The following SNX24 variants were observed in gnomAD, a reference collection of about 807,000 sequenced individuals.
SNX24 encodes sorting nexin 24, also known as sorting nexin-24.
Under a neutral mutation model 28.7 loss-of-function variants are expected in SNX24, and 22 were observed. The observed-to-expected ratio is 0.77, with a 90% CI of 0.55 to 1.10. The LOEUF is 1.10. SNX24 is among the 50% of genes least tolerant of loss of function. SNX24 has a pLI of 0.00. For missense variants in SNX24, 221 were observed against 201.1 expected (o/e 1.10, Z -0.60); for synonymous variants, 69 against 71.5 (o/e 0.96, Z 0.18).
chr5:122,863,502 A>G (rs2438151), intron 1 of SNX24, among the ~76,000 whole-genome samples: 121,744 of 151,332 alleles, frequency 0.8, 49,740 homozygotes, highest in East Asian at 0.99. Flanking sequence ...GGTAGGCAGC[A>G]ATAAGGACGT....
At chr5:122,864,284 C>T (rs146646052) in intron 1 of SNX24, among the ~76,000 whole-genome samples, 14 of 152,120 alleles carry the variant, frequency 9.2e-5, no homozygotes, top group Admixed American at 2.0e-4. Context: ...GTGATTGAGG[C>T]CATAGGATCC....
intron 3 of SNX24, among the ~76,000 whole-genome samples, chr5:122,955,346 A>G (rs1463813512): frequency 6.6e-6 from 1 of 152,164 alleles, no homozygotes; most frequent in Non-Finnish European, 1.5e-5. Flanking sequence ...CTGCTTTAAA[A>G]TCATTGTCCA....
In SNX24 at chr5:122,919,827, A is replaced by G. The variant is rs145470925; in HGVS notation, c.61-16907A>G. Among the ~76,000 whole-genome samples, 375 of 152,296 alleles carry G rather than the reference A, an allele frequency of 2.5e-3. 3 individuals carry two copies. Among genetic ancestry groups the G allele is most frequent in the African/African-American group, 8.2e-3 (339 of 41,564 alleles). ...GGTGCTGGCTACACGGTTCACATGC[A>G]TCAGGGCCCAACAAACTCTTCCCAT... On this transcript the variant is annotated intron_variant, in intron 1 of 6. Transcript: ENST00000261369.
chr5:122,889,856 A>G (rs1756889038), intron 1 of SNX24, among the ~76,000 whole-genome samples: 1 of 151,492 alleles, frequency 6.6e-6, no homozygotes, highest in Admixed American at 6.6e-5. Flanking sequence ...TAATATTGAA[A>G]CAGTATTTTG....
At chr5:122,922,090 G>A (rs1285884406) in intron 1 of SNX24, among the ~76,000 whole-genome samples, 2 of 152,158 alleles carry the variant, frequency 1.3e-5, no homozygotes, top group African/African-American at 4.8e-5. Context: ...ATTCCTAACT[G>A]CTCTCTGAAA....
In SNX24 at chr5:123,000,141, G is replaced by A. The variant is rs549578492; in HGVS notation, c.344+135G>A. The stretch of plus-strand genomic sequence containing the variant: ...ACTCTTTTGGCTTGCTGCAGCACTC[G>A]CTCGCCCCCTGCTTTTGGTTAAAAG... On this transcript the variant is annotated intron_variant, in intron 4 of 6. Coordinates refer to ENST00000261369, the MANE Select transcript of SNX24 (RefSeq NM_014035.4). 97 of 653,892 alleles carry A rather than the reference G, an allele frequency of 1.5e-4. 1 individual carries two copies. In the South Asian group the frequency reaches 1.6e-3, roughly 11 times the overall value. The allele number at this position is 653,892 out of a possible 1,614,324, so 40.5% of individuals were successfully genotyped here.
chr5:123,027,640 C>T (rs1310464138), intron 5 of SNX24, among the ~76,000 whole-genome samples: 18 of 152,288 alleles, frequency 1.2e-4, no homozygotes, highest in South Asian at 8.3e-4. Flanking sequence ...GTAATCTTCA[C>T]AAAGTGCCTG....
At chr5:122,895,961 C>T (rs1395090939) in intron 1 of SNX24, among the ~76,000 whole-genome samples, 1 of 152,148 alleles carries the variant, frequency 6.6e-6, no homozygotes, top group Non-Finnish European at 1.5e-5. Flanking sequence ...CCAGCCTGGC[C>T]AACATGGTGA....
In SNX24 at chr5:123,008,725, G is replaced by A. The variant is rs867779418; in HGVS notation, c.*976G>A. ...GTGTGCATTCATTTTAGGTGGGATC[G>A]CCACAGGATTTCATGTTATTTTCCT... On this transcript the variant is annotated 3_prime_UTR_variant, in exon 7 of 7. Coordinates refer to ENST00000261369, the MANE Select transcript of SNX24 (RefSeq NM_014035.4). 3.3e-5 allele frequency: 12 copies of A among 366,156 alleles called. No homozygotes were observed. The highest frequency in any genetic ancestry group is 1.3e-3 in the Middle Eastern group (1 of 766). The allele number at this position is 366,156 out of a possible 1,614,324, so 22.7% of individuals were successfully genotyped here. A position where few individuals can be genotyped will look rare whatever the true frequency, so the allele number is the denominator to read the frequency against.
At chr5:122,846,683 C>A (rs1754652081) in intron 1 of SNX24, among the ~76,000 whole-genome samples, 1 of 152,098 alleles carries the variant, frequency 6.6e-6, no homozygotes, top group Non-Finnish European at 1.5e-5. Flanking sequence ...GACTAAATTA[C>A]CCTCTCAAAG....
chr5:122,897,559 G>A (rs1265463965), intron 1 of SNX24, among the ~76,000 whole-genome samples: 1 of 152,078 alleles, frequency 6.6e-6, no homozygotes, highest in Non-Finnish European at 1.5e-5. Context: ...TTTTTCAGGG[G>A]ATGGAGTGGG....
rs931426117 is a variant in SNX24 at position 122,958,723 on chromosome 5, A to T, written c.249+12564A>T. On this transcript the variant is annotated intron_variant, in intron 3 of 6. Coordinates refer to ENST00000261369, the MANE Select transcript of SNX24 (RefSeq NM_014035.4). Reference sequence around the variant, plus strand: ...AGTCTTTTTATTTTTTAATTTTTAAATTTTTTTTGTATTTTTAGTAGAGAC... The same window carrying T: ...AGTCTTTTTATTTTTTAATTTTTAATTTTTTTTTGTATTTTTAGTAGAGAC... 1.1e-4 allele frequency among the ~76,000 whole-genome samples: 17 copies of T among 151,178 alleles called. No homozygotes were observed. The East Asian group carries it at 1.6e-3, about 14-fold the overall frequency.
At chr5:123,010,450 G>A (rs568896073), downstream of SNX24, among the ~76,000 whole-genome samples, 1 of 152,078 alleles carries the variant, frequency 6.6e-6, no homozygotes, top group East Asian at 1.9e-4. Flanking sequence ...CACCACGCCT[G>A]GCTAATTTTT....
chr5:122,893,117 C>G (rs911914788), intron 1 of SNX24, among the ~76,000 whole-genome samples: 1 of 151,800 alleles, frequency 6.6e-6, no homozygotes, highest in Non-Finnish European at 1.5e-5. Flanking sequence ...AGAAACTTCT[C>G]TCTTTCCTCC....
intron 3 of SNX24, among the ~76,000 whole-genome samples, chr5:122,978,246 T>C (rs1426130665): frequency 6.6e-6 from 1 of 152,186 alleles, no homozygotes; most frequent in Non-Finnish European, 1.5e-5. Flanking sequence ...TAGACCAGGG[T>C]AAAGAATAAC....
chr5:122,994,273 G>T (rs1216788037), intron 3 of SNX24, among the ~76,000 whole-genome samples: 1 of 152,120 alleles, frequency 6.6e-6, no homozygotes, highest in Non-Finnish European at 1.5e-5. Flanking sequence ...ATGTGTCACC[G>T]TTTATGCTCG....
intron 3 of SNX24, among the ~76,000 whole-genome samples, chr5:122,958,720 T>C (rs537141847): frequency 1.7e-5 from 1 of 60,264 alleles, no homozygotes; most frequent in Non-Finnish European, 2.7e-5. Flanking sequence ...TTTTAATTTT[T>C]AAATTTTTTT....
rs542718922 is a variant in SNX24, at chr5:122,900,509, G to T, written c.61-36225G>T. On this transcript the variant is annotated intron_variant, in intron 1 of 6. Coordinates refer to ENST00000261369, the MANE Select transcript of SNX24 (RefSeq NM_014035.4). ...GGGCCTGGTGGAATGGCTCACACCT[G>T]TCATCCCAGTGCTTTGGGAGGCCAA... Among the ~76,000 whole-genome samples the T allele has an allele frequency of 2.0e-5, 3 of 152,260 alleles. No homozygotes were observed. The South Asian group carries it at 6.2e-4, about 32-fold the overall frequency.
At position 122,845,952 on chromosome 5, in the gene SNX24, G is replaced by C. The variant is rs373518381; in HGVS notation, c.60+259G>C. On this transcript the variant is annotated intron_variant, in intron 1 of 6. Coordinates refer to ENST00000261369, the MANE Select transcript of SNX24 (RefSeq NM_014035.4). The stretch of plus-strand genomic sequence containing the variant: ...CCCGGACGAGCTGCAGTCCTCGGAC[G>C]CGGCACTAGCCATTCTCCCCGCCGC... Among the ~76,000 whole-genome samples, 15 of 152,252 alleles carry C rather than the reference G, an allele frequency of 9.9e-5. 2 individuals carry two copies. The highest frequency in any genetic ancestry group is 3.9e-4 in the East Asian group (2 of 5,118).
Sources: allele counts gnomAD v4.1 joint callset (sites outside exome capture counted in the v4.1 genomes callset), GRCh38; gene constraint gnomAD v4.1.1; transcripts MANE v1.5; gene names NCBI Gene and HGNC (gene_info 2026-07-23, HGNC 2026-07-21).